The following NELL1 variants were observed in gnomAD, a reference collection of about 807,000 sequenced individuals.
NELL1 encodes the protein protein kinase C-binding protein NELL1.
A neutral mutation model predicts 107.4 loss-of-function variants in NELL1; 76 were observed. The observed-to-expected ratio is 0.71, with a 90% CI of 0.59 to 0.86. NELL1 has a LOEUF of 0.86. Among genes scored for constraint, NELL1 ranks in the 40% least tolerant of loss-of-function variants. NELL1 has a pLI of 0.00. For missense variants in NELL1, 1,024 were observed against 1,005.5 expected (o/e 1.02, Z -0.25); for synonymous variants, 353 against 341.2 (o/e 1.03, Z -0.38).
intron 15 of NELL1, among the ~76,000 whole-genome samples, chr11:21,481,446 A>G (rs1036573764): frequency 6.6e-6 from 1 of 152,170 alleles, no homozygotes; most frequent in Non-Finnish European, 1.5e-5. Context: ...ATGGTCTTCA[A>G]GGATGATTGA....
At chr11:21,354,097 A>G (rs1462603695) in intron 14 of NELL1, among the ~76,000 whole-genome samples, 2 of 152,322 alleles carry the variant, frequency 1.3e-5, no homozygotes, top group East Asian at 3.9e-4. Context: ...CAAAAAGAAG[A>G]TAAGTCTTAC....
chr11:21,455,787 C>G (rs1853712747), intron 15 of NELL1, among the ~76,000 whole-genome samples: 1 of 151,706 alleles, frequency 6.6e-6, no homozygotes, highest in Non-Finnish European at 1.5e-5. Flanking sequence ...AAGATGCCAG[C>G]CATAATTTAG....
chr11:21,008,180 C>A (rs954485783), intron 12 of NELL1, among the ~76,000 whole-genome samples: 2 of 152,126 alleles, frequency 1.3e-5, no homozygotes, highest in African/African-American at 4.8e-5. Flanking sequence ...CATTTTGGAA[C>A]TTCTTACATT....
intron 13 of NELL1, among the ~76,000 whole-genome samples, chr11:21,163,789 T>C (rs1006803170): frequency 1.3e-5 from 2 of 152,088 alleles, no homozygotes; most frequent in Non-Finnish European, 2.9e-5. Flanking sequence ...AGGGCATTAA[T>C]TTCATCATGA....
chr11:20,759,304 A>G (rs890800665), intron 2 of NELL1, among the ~76,000 whole-genome samples: 1 of 152,182 alleles, frequency 6.6e-6, no homozygotes, highest in African/African-American at 2.4e-5. Flanking sequence ...ACTCTCCTAT[A>G]GGGCTGACCT....
intron 2 of NELL1, among the ~76,000 whole-genome samples, chr11:20,751,979 T>A (rs1856151197): frequency 6.6e-6 from 1 of 152,200 alleles, no homozygotes; most frequent in Non-Finnish European, 1.5e-5. Context: ...ATGTGGCAGA[T>A]TCTATAAGGT....
At chr11:21,455,043 C>A (rs926395005) in intron 15 of NELL1, among the ~76,000 whole-genome samples, 1 of 152,188 alleles carries the variant, frequency 6.6e-6, no homozygotes, top group African/African-American at 2.4e-5. Context: ...GTGTGAAGAA[C>A]TTCCATAAAC....
chr11:20,715,010 A>G (rs1013883196), intron 2 of NELL1, among the ~76,000 whole-genome samples: 19 of 152,184 alleles, frequency 1.2e-4, no homozygotes, highest in East Asian at 7.8e-4. Context: ...TCGGGAGGCC[A>G]AGGCGGGCGG....
intron 14 of NELL1, among the ~76,000 whole-genome samples, chr11:21,302,679 A>G (rs1487811281): frequency 1.3e-5 from 2 of 151,994 alleles, no homozygotes; most frequent in South Asian, 2.1e-4. Context: ...CCAGATATTT[A>G]TTAACTCATG....
intron 14 of NELL1, among the ~76,000 whole-genome samples, chr11:21,290,670 C>A (rs953902778): frequency 2.0e-5 from 3 of 152,180 alleles, no homozygotes; most frequent in African/African-American, 7.2e-5. Context: ...CTTTGCTGTT[C>A]TGCAGCCTCT....
At chr11:21,417,454 A>G (rs1309628336) in intron 15 of NELL1, among the ~76,000 whole-genome samples, 4 of 151,266 alleles carry the variant, frequency 2.6e-5, no homozygotes, top group Non-Finnish European at 5.9e-5. Context: ...TTCAATTCAG[A>G]TTCATCGTTT....
intron 14 of NELL1, among the ~76,000 whole-genome samples, chr11:21,338,872 A>C (rs1850497651): frequency 6.6e-6 from 1 of 152,158 alleles, no homozygotes; most frequent in Non-Finnish European, 1.5e-5. Flanking sequence ...GGCTTTAGGA[A>C]GCCTGTGAAT....
At chr11:21,395,512 G>T (rs1436902605) in intron 15 of NELL1, among the ~76,000 whole-genome samples, 2 of 151,416 alleles carry the variant, frequency 1.3e-5, no homozygotes, top group East Asian at 3.9e-4. Context: ...GGTCCCTGGG[G>T]CAAAAGACTT....
In NELL1 at chr11:21,362,658, G is replaced by A. The variant is rs558730546; in HGVS notation, c.1550-8195G>A. Among the ~76,000 whole-genome samples the A allele has an allele frequency of 2.2e-4, 33 of 148,204 alleles. 1 individual carries two copies. The South Asian group carries it at 3.0e-3, about 14-fold the overall frequency. On this transcript the variant is annotated intron_variant, in intron 14 of 19. Transcript: ENST00000357134. ...GTACTTTCAAGAGAGAATTAGCTGCGGTAGTAGTAGGGGGCTCTAAGCTTG... is the reference window on the plus strand; with the variant it reads ...GTACTTTCAAGAGAGAATTAGCTGCAGTAGTAGTAGGGGGCTCTAAGCTTG...
intron 13 of NELL1, among the ~76,000 whole-genome samples, chr11:21,181,615 G>A (rs1856828344): frequency 6.6e-6 from 1 of 151,962 alleles, no homozygotes; most frequent in East Asian, 1.9e-4. Context: ...CTTGTTTGCT[G>A]TCTCTGAACT....
intron 14 of NELL1, among the ~76,000 whole-genome samples, chr11:21,326,613 T>G (rs1002606367): frequency 1.5e-4 from 23 of 152,158 alleles, no homozygotes; most frequent in African/African-American, 5.3e-4. Flanking sequence ...AATTTCTGTC[T>G]GATATCATTT....
intron 14 of NELL1, among the ~76,000 whole-genome samples, chr11:21,329,922 AC>A (rs1850233699): frequency 6.6e-6 from 1 of 152,126 alleles, no homozygotes; most frequent in Non-Finnish European, 1.5e-5. Context: ...TATGTTATAA[AC>A]CCAATAATGA....
chr11:21,259,437 G>A (rs1053129051), intron 14 of NELL1, among the ~76,000 whole-genome samples: 1 of 151,884 alleles, frequency 6.6e-6, no homozygotes, highest in African/African-American at 2.4e-5. Flanking sequence ...CAGAGGAATA[G>A]CATGAGTAAA....
chr11:20,688,797 G>C lies in NELL1; in HGVS notation c.184+10737G>C, dbSNP rs143467583. ...GTGAGTCAATGGTGGTTCTGTTTCA[G>C]TTCTTTGAGAAATCTCCAAACTGCT... On this transcript the variant is annotated intron_variant, in intron 2 of 19. Transcript: ENST00000357134. Among the ~76,000 whole-genome samples, 164 of 152,222 alleles carry C rather than the reference G, an allele frequency of 1.1e-3. 1 individual carries two copies. Among genetic ancestry groups the C allele is most frequent in the South Asian group, 5.2e-3 (25 of 4,824 alleles).
Sources: gnomAD v4.1 joint callset for allele counts (sites outside exome capture counted in the v4.1 genomes callset) on GRCh38, gnomAD v4.1.1 for gene constraint, MANE v1.5 for transcripts, NCBI Gene and HGNC (gene_info 2026-07-23, HGNC 2026-07-21) for gene names.